Variants in PPARA observed in about 807,000 individuals in gnomAD.
The protein encoded by PPARA is peroxisome proliferator activated receptor alpha, also known as peroxisome proliferator-activated receptor alpha.
A neutral mutation model predicts 42.2 loss-of-function variants in PPARA; 22 were observed. The ratio of observed to expected loss-of-function variants is 0.52; its 90% CI spans 0.37 to 0.74. PPARA has a LOEUF of 0.74. PPARA is among the 30% of genes least tolerant of loss of function. The pLI, the probability that PPARA is intolerant of heterozygous loss-of-function variation, is 0.00. For synonymous variants in PPARA, 242 were observed against 239.3 expected (o/e 1.01, Z -0.10); for missense variants, 465 against 608.2 (o/e 0.76, Z 2.48).
rs994406105 is a variant in PPARA, at chr22:46,191,856, A to T, written c.-42-6486A>T. Among the ~76,000 whole-genome samples the T allele has an allele frequency of 3.3e-5, 5 of 152,338 alleles. No homozygotes were observed. Among genetic ancestry groups the T allele is most frequent in the African/African-American group, 1.2e-4 (5 of 41,582 alleles). On this transcript the variant is annotated intron_variant, in intron 3 of 8. Transcript: ENST00000407236. This position sits in a 1 kb window ranked among gnomAD's most constrained non-coding sequence, Gnocchi z 4.6. ...GCTGAGGCGGGCAGATCACGAGGTC[A>T]AGAGATCAAGACCATCCTGGCCAAC...
chr22:46,234,120 G>A lies in PPARA; in HGVS notation c.1160-1013G>A, dbSNP rs1487088165. 2.0e-5 allele frequency among the ~76,000 whole-genome samples: 3 copies of A among 152,056 alleles called. No homozygotes were observed. Among genetic ancestry groups the A allele is most frequent in the Non-Finnish European group, 4.4e-5 (3 of 68,012 alleles). ...ATTACAGGCATGAGCCACTGCACCCGGCAATAATTCCTCTCTTTAGAGACT... is the reference window on the plus strand; with the variant it reads ...ATTACAGGCATGAGCCACTGCACCCAGCAATAATTCCTCTCTTTAGAGACT... On this transcript the variant is annotated intron_variant, in intron 8 of 8. Transcript: ENST00000407236. This position sits in a 1 kb window ranked among gnomAD's most constrained non-coding sequence, Gnocchi z 5.8.
At position 46,219,733 on chromosome 22, in the gene PPARA, G is replaced by A; in HGVS notation, c.509-79G>A. 1.4e-6 allele frequency: 2 copies of A among 1,408,590 alleles called. No homozygotes were observed. Among genetic ancestry groups the A allele is most frequent in the Non-Finnish European group, 2.0e-6 (2 of 997,230 alleles). The allele number at this position is 1,408,590 out of a possible 1,614,324, so 87.3% of individuals were successfully genotyped here. Reference sequence around the variant, plus strand: ...ATTTTCATTCCTGGTTTAAAGTCCTGGGGGAGCCCCTCGTCCAGCCCTGTC... The same window carrying A: ...ATTTTCATTCCTGGTTTAAAGTCCTAGGGGAGCCCCTCGTCCAGCCCTGTC... On this transcript the variant is annotated intron_variant, in intron 6 of 8. Transcript: ENST00000407236. This position sits in a 1 kb window ranked among gnomAD's most constrained non-coding sequence, Gnocchi z 4.8.
At position 46,173,774 on chromosome 22, in the gene PPARA, T is replaced by C. The variant is rs1928455726; in HGVS notation, c.-126-2979T>C. 6.6e-6 allele frequency among the ~76,000 whole-genome samples: 1 copy of C among 152,222 alleles called. No individual in the cohort carries two copies. Among genetic ancestry groups the C allele is most frequent in the South Asian group, 2.1e-4 (1 of 4,836 alleles). ...ATCTGTTAAATTAACAGAAGCGAAG[T>C]GTTCTGTGGTGTGTAGGAGCACACT... On this transcript the variant is annotated intron_variant, in intron 2 of 8. Coordinates refer to ENST00000407236, the MANE Select transcript of PPARA (RefSeq NM_005036.6). This position sits in a 1 kb window ranked among gnomAD's most constrained non-coding sequence, Gnocchi z 4.3.
intron 2 of PPARA, among the ~76,000 whole-genome samples, chr22:46,159,062 G>C (rs1925751025): frequency 6.6e-6 from 1 of 151,992 alleles, no homozygotes; most frequent in South Asian, 2.1e-4. Context: ...GCTAATTTTT[G>C]TATTTTTTAG....
At chr22:46,206,248 T>C (rs1933289677) in intron 4 of PPARA, among the ~76,000 whole-genome samples, 1 of 151,280 alleles carries the variant, frequency 6.6e-6, no homozygotes. Context: ...ATCAGAGGCA[T>C]GCACCACCAC....
At chr22:46,168,279 G>GTA (rs1406347926) in intron 2 of PPARA, among the ~76,000 whole-genome samples, 1 of 142,640 alleles carries the variant, frequency 7.0e-6, no homozygotes, top group Non-Finnish European at 1.5e-5. Flanking sequence ...GTGAACCTGG[G>GTA]AGGCGGAGCT....
intron 3 of PPARA, among the ~76,000 whole-genome samples, chr22:46,185,553 C>A (rs960692295): frequency 4.7e-5 from 7 of 150,030 alleles, no homozygotes; most frequent in Non-Finnish European, 7.4e-5. Flanking sequence ...ATACTGTTGG[C>A]TTAATCTAAA....
In PPARA at chr22:46,215,350, A is replaced by T. The variant is rs765771287; in HGVS notation, c.369+17A>T. On this transcript the variant is annotated intron_variant, in intron 5 of 8. Coordinates refer to ENST00000407236, the MANE Select transcript of PPARA (RefSeq NM_005036.6). ...GGCTGCAAGGTAGAGGGGAGCTGGA[A>T]CAGGGCCTGGTGGCCGCCACCATCA... is the stretch of plus-strand genomic sequence containing the variant. 1.2e-6 allele frequency: 2 copies of T among 1,614,096 alleles called. No individual in the cohort carries two copies. Among genetic ancestry groups the T allele is most frequent in the South Asian group, 2.2e-5 (2 of 91,078 alleles).
At position 46,211,833 on chromosome 22, in the gene PPARA, G is replaced by A. The variant is rs536706742; in HGVS notation, c.209-3340G>A. The stretch of plus-strand genomic sequence containing the variant: ...CCCGAGTAGCTGGGACTACAGGCAC[G>A]CACCACCACCCCTGGCTAACTTTTT... On this transcript the variant is annotated intron_variant, in intron 4 of 8. Coordinates refer to ENST00000407236, the MANE Select transcript of PPARA (RefSeq NM_005036.6). This position sits in a 1 kb window ranked among gnomAD's most constrained non-coding sequence, Gnocchi z 4.1. Among the ~76,000 whole-genome samples, 3 of 151,884 alleles carry A rather than the reference G, an allele frequency of 2.0e-5. No individual in the cohort carries two copies. The highest frequency in any genetic ancestry group is 2.9e-5 in the Non-Finnish European group (2 of 67,988).
rs1424850259 is a variant in PPARA at position 46,240,216 on chromosome 22, G to A, written c.*4836G>A. The A allele has an allele frequency of 2.5e-6, 1 of 398,624 alleles. No individual in the cohort carries two copies. The highest frequency in any genetic ancestry group is 3.6e-5 in the East Asian group (1 of 28,096). 24.7% of individuals were successfully genotyped at this position (398,624 alleles called of 1,614,324 possible). On this transcript the variant is annotated 3_prime_UTR_variant, in exon 9 of 9. Transcript: ENST00000407236. The surrounding 1 kb of genome is among the most constrained non-coding windows in gnomAD (Gnocchi z 6.0). Reference sequence around the variant, plus strand: ...GCCATGGCTCTGGGCAGCTTTCAAAGCAGGTTCCTGTGGTCTCCTCAGCTG... The same window carrying A: ...GCCATGGCTCTGGGCAGCTTTCAAAACAGGTTCCTGTGGTCTCCTCAGCTG...
chr22:46,179,133 A>G (rs1022345549), intron 3 of PPARA, among the ~76,000 whole-genome samples: 1 of 152,200 alleles, frequency 6.6e-6, no homozygotes, highest in Non-Finnish European at 1.5e-5. Flanking sequence ...CCCCACCCTG[A>G]TGATCTTATA....
chr22:46,179,499 A>G (rs1034752584), intron 3 of PPARA, among the ~76,000 whole-genome samples: 1 of 152,222 alleles, frequency 6.6e-6, no homozygotes, highest in Admixed American at 6.5e-5. Context: ...TGCTGGTGCA[A>G]TGGTTATCCA....
chr22:46,219,827 G>A lies in PPARA; in HGVS notation c.524G>A (p.Arg175Gln), dbSNP rs372386397. Residue 175 changes from arginine (R) to glutamine (Q), a missense_variant, in exon 7 of 9, where the codon CGA (arginine) becomes CAA (glutamine). This residue lies in a region of PPARA where 313 missense variants were observed against 469.1 expected (regional missense o/e 0.67). Coordinates refer to ENST00000407236, the MANE Select transcript of PPARA (RefSeq NM_005036.6). The surrounding 1 kb of genome is among the most constrained non-coding windows in gnomAD (Gnocchi z 4.8). ...CAAACCCTAGCGATTCGTTTTGGAC[G>A]AATGCCAAGATCTGAGAAAGCAAAA... Reference protein sequence around the residue: ...GMSHNAIRFGRMPRSEKAKLK... With the variant: ...GMSHNAIRFGQMPRSEKAKLK... 1.1e-5 allele frequency: 18 copies of A among 1,614,040 alleles called. No homozygotes were observed. Among genetic ancestry groups the A allele is most frequent in the African/African-American group, 5.3e-5 (4 of 74,928 alleles).
rs943456145 is a variant in PPARA at position 46,231,105 on chromosome 22, G to A, written c.712-687G>A. Among the ~76,000 whole-genome samples, 3 of 152,028 alleles carry A rather than the reference G, an allele frequency of 2.0e-5. No individual in the cohort carries two copies. Among genetic ancestry groups the A allele is most frequent in the Non-Finnish European group, 4.4e-5 (3 of 68,008 alleles). On this transcript the variant is annotated intron_variant, in intron 7 of 8. Coordinates refer to ENST00000407236, the MANE Select transcript of PPARA (RefSeq NM_005036.6). This position sits in a 1 kb window ranked among gnomAD's most constrained non-coding sequence, Gnocchi z 7.7. ...CGCTCTGTCGCCCAGACTGGAGACT[G>A]GAGTGCAGTGGCACGATCTTGGCTC...
At chr22:46,194,893 C>CTTTTTTTTTT (rs1161037504) in intron 3 of PPARA, among the ~76,000 whole-genome samples, 4 of 116,046 alleles carry the variant, frequency 3.4e-5, no homozygotes, top group South Asian at 3.0e-4. Flanking sequence ...TGTTTTCTTT[C>CTTTTTTTTTT]TTTTTTTTTT....
In PPARA at chr22:46,224,601, A is replaced by G. The variant is rs1002045118; in HGVS notation, c.711+4587A>G. Among the ~76,000 whole-genome samples, 4 of 152,084 alleles carry G rather than the reference A, an allele frequency of 2.6e-5. No homozygotes were observed. Among genetic ancestry groups the G allele is most frequent in the African/African-American group, 9.7e-5 (4 of 41,414 alleles). ...CACAGAGCCTCAGGAAGGCACACTG[A>G]CCTCAGGGCCGGCGGCTGACTTCAT... is the stretch of plus-strand genomic sequence containing the variant. On this transcript the variant is annotated intron_variant, in intron 7 of 8. Transcript: ENST00000407236. The surrounding 1 kb of genome is among the most constrained non-coding windows in gnomAD (Gnocchi z 5.7).
rs138226142 is a variant in PPARA, at chr22:46,200,431, C to T, written c.208+1840C>T. 2.6e-5 allele frequency among the ~76,000 whole-genome samples: 4 copies of T among 152,372 alleles called. No individual in the cohort carries two copies. In the East Asian group the frequency reaches 7.7e-4, roughly 29 times the overall value. On this transcript the variant is annotated intron_variant, in intron 4 of 8. Coordinates refer to ENST00000407236, the MANE Select transcript of PPARA (RefSeq NM_005036.6). This position sits in a 1 kb window ranked among gnomAD's most constrained non-coding sequence, Gnocchi z 4.8. The stretch of plus-strand genomic sequence containing the variant: ...TACAGCGTGTTACTGTACTGAACGG[C>T]GTAGGCCCCTGTGACACAATGGTAA...
chr22:46,204,732 C>T lies in PPARA; in HGVS notation c.208+6141C>T, dbSNP rs1382315141. On this transcript the variant is annotated intron_variant, in intron 4 of 8. Transcript: ENST00000407236. The surrounding 1 kb of genome is among the most constrained non-coding windows in gnomAD (Gnocchi z 5.2). Reference sequence around the variant, plus strand: ...TGCTTTTCTACTATTCACTATTGAACACTATTTATATATTTTGAATACAAA... The same window carrying T: ...TGCTTTTCTACTATTCACTATTGAATACTATTTATATATTTTGAATACAAA... 6.6e-6 allele frequency among the ~76,000 whole-genome samples: 1 copy of T among 151,974 alleles called. No individual in the cohort carries two copies. The highest frequency in any genetic ancestry group is 1.9e-4 in the East Asian group (1 of 5,200).
Position 46,222,584 on chromosome 22 carries a change from A to G in PPARA, c.711+2570A>G, listed in dbSNP as rs898398610. ...TAGGCAGCTCCAGAGGCTTGTCCCA[A>G]TTAGAACTTTCCTGGATTACGAGAG... On this transcript the variant is annotated intron_variant, in intron 7 of 8. Coordinates refer to ENST00000407236, the MANE Select transcript of PPARA (RefSeq NM_005036.6). The surrounding 1 kb of genome is among the most constrained non-coding windows in gnomAD (Gnocchi z 5.9). 2.0e-5 allele frequency among the ~76,000 whole-genome samples: 3 copies of G among 152,198 alleles called. No homozygotes were observed. The highest frequency in any genetic ancestry group is 6.5e-5 in the Admixed American group (1 of 15,270).
Sources: allele counts gnomAD v4.1 joint callset (sites outside exome capture counted in the v4.1 genomes callset), GRCh38; gene constraint gnomAD v4.1.1; regional missense constraint gnomAD v4.1.1; non-coding constraint Gnocchi (gnomAD v3.1); transcripts MANE v1.5; gene names NCBI Gene and HGNC (gene_info 2026-07-23, HGNC 2026-07-21).